RBP5: variants seen among roughly 807,000 people sequenced by gnomAD.
The protein encoded by RBP5 is retinol binding protein 5.
Under a neutral mutation model 17.8 loss-of-function variants are expected in RBP5, and 12 were observed. The ratio of observed to expected loss-of-function variants is 0.67; its 90% CI spans 0.43 to 1.09. The LOEUF (loss-of-function observed/expected upper bound fraction) is 1.09, where lower values mean the gene tolerates loss of function less well. RBP5 is among the 50% of genes least tolerant of loss of function. RBP5 has a pLI of 0.00. For synonymous variants in RBP5, 64 were observed against 68.1 expected (o/e 0.94, Z 0.30); for missense variants, 172 against 169.4 (o/e 1.02, Z -0.09).
chr12:7,123,143 G>A (rs1317521889), downstream of RBP5, among the ~76,000 whole-genome samples: 1 of 152,184 alleles, frequency 6.6e-6, no homozygotes, highest in Admixed American at 6.5e-5. Context: ...CCCTGGAGGT[G>A]GAGAGGAGGC....
At position 7,124,567 on chromosome 12, in the gene RBP5, A is replaced by G. The variant is rs747623446; in HGVS notation, c.354+62T>C. On this transcript the variant is annotated intron_variant, in intron 3 of 3. Coordinates refer to ENST00000266560, the MANE Select transcript of RBP5 (RefSeq NM_031491.4). The surrounding 1 kb of genome is among the most constrained non-coding windows in gnomAD (Gnocchi z 5.3). ...AGAGTGGTGGACCTATCTGGTTTGG[A>G]CAAGGGGATGCCTTATAGCTGGAGG... 4 of 924,086 alleles carry G rather than the reference A, an allele frequency of 4.3e-6. No homozygotes were observed. The highest frequency in any genetic ancestry group is 7.1e-6 in the Non-Finnish European group (4 of 562,988). 57.2% of individuals were successfully genotyped at this position (924,086 alleles called of 1,614,324 possible).
chr12:7,125,430 C>G (rs765655541), intron 2 of RBP5, among the ~76,000 whole-genome samples: 1 of 152,160 alleles, frequency 6.6e-6, no homozygotes, highest in South Asian at 2.1e-4. Context: ...TCCTCTTTCT[C>G]GGTTTCAAGA....
Position 7,117,833 on chromosome 12 carries a change from G to A in RBP5, n.890-526C>T, listed in dbSNP as rs1164472352. 6.6e-6 allele frequency: 1 copy of A among 152,194 alleles called. No homozygotes were observed. The highest frequency in any genetic ancestry group is 1.5e-5 in the Non-Finnish European group (1 of 68,048). The allele number at this position is 152,194 out of a possible 1,614,324, so 9.4% of individuals were successfully genotyped here. A position where few individuals can be genotyped will look rare whatever the true frequency, so the allele number is the denominator to read the frequency against. On this transcript the variant is annotated intron_variant and non_coding_transcript_variant, in intron 3 of 3. Transcript: ENST00000619522. This position sits in a 1 kb window ranked among gnomAD's most constrained non-coding sequence, Gnocchi z 4.9. ...TCAGAGCCCAGAGATCCCAGTTCCAGATCTCAGATCTCCCACACCCTGTGG... is the reference window on the plus strand; with the variant it reads ...TCAGAGCCCAGAGATCCCAGTTCCAAATCTCAGATCTCCCACACCCTGTGG...
chr12:7,119,233 G>C (rs779379415), downstream of RBP5, among the ~76,000 whole-genome samples: 3 of 151,928 alleles, frequency 2.0e-5, no homozygotes, highest in East Asian at 3.9e-4. Context: ...GGGGGTAGGG[G>C]TGGATGGAGC....
Position 7,128,614 on chromosome 12 carries a change from G to T in RBP5, c.73+89C>A. The T allele has an allele frequency of 7.6e-7, 1 of 1,321,016 alleles. No homozygotes were observed. 81.8% of individuals were successfully genotyped at this position (1,321,016 alleles called of 1,614,324 possible). On this transcript the variant is annotated intron_variant, in intron 1 of 3. Coordinates refer to ENST00000266560, the MANE Select transcript of RBP5 (RefSeq NM_031491.4). This position sits in a 1 kb window ranked among gnomAD's most constrained non-coding sequence, Gnocchi z 5.3. ...GAGCCTTTCCACAGTGTCCAACCCCGGGCATTCCCTCTTCTCCATGGGACC... is the reference window on the plus strand; with the variant it reads ...GAGCCTTTCCACAGTGTCCAACCCCTGGCATTCCCTCTTCTCCATGGGACC...
downstream of RBP5, chr12:7,121,146 GAGGGA>G (rs1939076619): frequency 6.6e-6 from 1 of 152,192 alleles, no homozygotes; most frequent in African/African-American, 2.4e-5. Flanking sequence ...GAGGGGTGGG[GAGGGA>G]AGGGGCAGCT....
chr12:7,116,885 T>A (rs1230494788), exon 4 of RBP5: 1 of 152,196 alleles, frequency 6.6e-6, no homozygotes, highest in Non-Finnish European at 1.5e-5. Flanking sequence ...TGAGACTATG[T>A]TGCAGTTATC....
chr12:7,127,686 G>A, intron 2 of RBP5: 1 of 702,376 alleles, frequency 1.4e-6, no homozygotes, highest in Non-Finnish European at 2.6e-6. Flanking sequence ...AGATGGCTCT[G>A]GCTGGAGAAT....
downstream of RBP5, among the ~76,000 whole-genome samples, chr12:7,123,122 A>G (rs1456087121): frequency 1.3e-5 from 2 of 152,096 alleles, no homozygotes; most frequent in Non-Finnish European, 2.9e-5. Flanking sequence ...TTATTCTGAA[A>G]GAGCCAAGGC....
chr12:7,127,023 G>T (rs1299355183), intron 2 of RBP5, among the ~76,000 whole-genome samples: 2 of 103,448 alleles, frequency 1.9e-5, no homozygotes, highest in African/African-American at 4.0e-5. Flanking sequence ...ATAGAATTTC[G>T]CTCTTGTTGC....
At chr12:7,126,709 T>A (rs1239452409) in intron 2 of RBP5, among the ~76,000 whole-genome samples, 1 of 152,118 alleles carries the variant, frequency 6.6e-6, no homozygotes, top group Non-Finnish European at 1.5e-5. Context: ...GACCTTGGCA[T>A]TCAAATGGAA....
At chr12:7,122,727 A>C (rs1325127326), downstream of RBP5, among the ~76,000 whole-genome samples, 1 of 152,138 alleles carries the variant, frequency 6.6e-6, no homozygotes, top group Non-Finnish European at 1.5e-5. Context: ...GTGCCTTGGA[A>C]TGGGACAAGG....
rs1939016349 is a variant in RBP5, at chr12:7,117,244, A to G, written n.953T>C. On this transcript the variant is annotated non_coding_transcript_exon_variant, in exon 4 of 4. Transcript: ENST00000619522. This position sits in a 1 kb window ranked among gnomAD's most constrained non-coding sequence, Gnocchi z 4.9. The stretch of plus-strand genomic sequence containing the variant: ...CAAGGCAGAGGTGACAGTGTCTTTT[A>G]TAAGCCAGCCTTGGAAGTGACGTAG... 6.6e-6 allele frequency: 1 copy of G among 152,242 alleles called. No homozygotes were observed. Among genetic ancestry groups the G allele is most frequent in the Non-Finnish European group, 1.5e-5 (1 of 68,046 alleles). The allele number at this position is 152,242 out of a possible 1,614,324, so 9.4% of individuals were successfully genotyped here.
In RBP5 at chr12:7,128,789, G is replaced by T. The variant is rs1042633384; in HGVS notation, c.-14C>A. 109 of 1,589,248 alleles carry T rather than the reference G, an allele frequency of 6.9e-5. No homozygotes were observed. Among genetic ancestry groups the T allele is most frequent in the Non-Finnish European group, 8.5e-5 (99 of 1,166,840 alleles). ...GTTGGGAGGCATTGTGTGGATGAAG[G>T]TTTCAGGAGAATGCAGGAGACAGGG... On this transcript the variant is annotated 5_prime_UTR_variant, in exon 1 of 4. Coordinates refer to ENST00000266560, the MANE Select transcript of RBP5 (RefSeq NM_031491.4). This position sits in a 1 kb window ranked among gnomAD's most constrained non-coding sequence, Gnocchi z 5.3.
Position 7,117,083 on chromosome 12 carries a change from T to G in RBP5, n.1114A>C, listed in dbSNP as rs767395161. On this transcript the variant is annotated non_coding_transcript_exon_variant, in exon 4 of 4. Transcript: ENST00000619522. The surrounding 1 kb of genome is among the most constrained non-coding windows in gnomAD (Gnocchi z 4.9). ...AGAGGCGGGACTGGGGCTGGAGGTC[T>G]GCTTCCAGACGGTCACTCACATGGA... 6.6e-6 allele frequency: 1 copy of G among 152,352 alleles called. No homozygotes were observed. Among genetic ancestry groups the G allele is most frequent in the South Asian group, 2.1e-4 (1 of 4,828 alleles). The allele number at this position is 152,352 out of a possible 1,614,324, so 9.4% of individuals were successfully genotyped here.
At chr12:7,125,227 G>C (rs754408757) in intron 2 of RBP5, among the ~76,000 whole-genome samples, 1 of 152,100 alleles carries the variant, frequency 6.6e-6, no homozygotes, top group South Asian at 2.1e-4. Context: ...AAAGGTCACC[G>C]AGGGGGGCCC....
chr12:7,128,789 G>C lies in RBP5; in HGVS notation c.-14C>G. 1.3e-6 allele frequency: 2 copies of C among 1,589,370 alleles called. No individual in the cohort carries two copies. The highest frequency in any genetic ancestry group is 1.3e-5 in the African/African-American group (1 of 74,712). On this transcript the variant is annotated 5_prime_UTR_variant, in exon 1 of 4. Transcript: ENST00000266560. The surrounding 1 kb of genome is among the most constrained non-coding windows in gnomAD (Gnocchi z 5.3). Reference sequence around the variant, plus strand: ...GTTGGGAGGCATTGTGTGGATGAAGGTTTCAGGAGAATGCAGGAGACAGGG... The same window carrying C: ...GTTGGGAGGCATTGTGTGGATGAAGCTTTCAGGAGAATGCAGGAGACAGGG...
At chr12:7,123,476 CCTCCCCAAGCACTGGACAAAGGT>C (rs1290873567), downstream of RBP5, among the ~76,000 whole-genome samples, 1 of 152,176 alleles carries the variant, frequency 6.6e-6, no homozygotes, top group Non-Finnish European at 1.5e-5. Context: ...AAGCTCCCCG[CCTCCCCAAGCACTGGACAAAGGT>C]CTTACCCCAT....
downstream of RBP5, among the ~76,000 whole-genome samples, chr12:7,120,304 T>C (rs1939062149): frequency 6.6e-6 from 1 of 152,066 alleles, no homozygotes; most frequent in Non-Finnish European, 1.5e-5. Context: ...GGAGCACAGG[T>C]TCCCACAGAG....
Sources: gnomAD v4.1 joint callset for allele counts (sites outside exome capture counted in the v4.1 genomes callset) on GRCh38, gnomAD v4.1.1 for gene constraint, Gnocchi (gnomAD v3.1) non-coding constraint, MANE v1.5 for transcripts, NCBI Gene and HGNC (gene_info 2026-07-23, HGNC 2026-07-21) for gene names.